Variants in PLEKHA7 observed in about 807,000 individuals in gnomAD.
The protein encoded by PLEKHA7 is pleckstrin homology domain containing A7, also known as pleckstrin homology domain-containing family A member 7.
PLEKHA7 carries 104 observed loss-of-function variants against 170.0 expected under a neutral mutation model. That is an observed-to-expected ratio of 0.61 (90% CI 0.52 to 0.72). The LOEUF (loss-of-function observed/expected upper bound fraction) is 0.72. PLEKHA7 is among the 30% of genes least tolerant of loss of function. PLEKHA7 has a pLI of 0.00. For missense variants in PLEKHA7, 1,615 were observed against 1,671.7 expected (o/e 0.97, Z 0.59); for synonymous variants, 648 against 660.8 (o/e 0.98, Z 0.30).
chr11:16,942,611 G>A (rs1860767521), intron 3 of PLEKHA7, among the ~76,000 whole-genome samples: 1 of 152,244 alleles, frequency 6.6e-6, no homozygotes, highest in Non-Finnish European at 1.5e-5. Flanking sequence ...GGAAGAGAGT[G>A]AAGAAGCAGA....
chr11:17,013,643 G>C (rs1865460308), intron 3 of PLEKHA7, among the ~76,000 whole-genome samples: 1 of 152,238 alleles, frequency 6.6e-6, no homozygotes, highest in African/African-American at 2.4e-5. Flanking sequence ...TCCAGGTCCC[G>C]GCACTCGCCT....
intron 9 of PLEKHA7, among the ~76,000 whole-genome samples, chr11:16,827,484 CAT>C (rs1850748145): frequency 6.6e-6 from 1 of 152,184 alleles, no homozygotes; most frequent in Non-Finnish European, 1.5e-5. Context: ...TGCCTCTCCA[CAT>C]GTGTCTGTGC....
At chr11:16,786,747 A>G (rs1849423669) in intron 23 of PLEKHA7, 1 of 985,318 alleles carries the variant, frequency 1.0e-6, no homozygotes, top group Admixed American at 6.1e-5. Flanking sequence ...CACTCTCTAC[A>G]GCTGGTTCAG....
At chr11:16,889,422 T>G (rs7483160) in intron 3 of PLEKHA7, among the ~76,000 whole-genome samples, 1 of 71,586 alleles carries the variant, frequency 1.4e-5, no homozygotes, top group African/African-American at 5.5e-5. Flanking sequence ...AAAAAAAAAA[T>G]ATATATATAT....
intron 9 of PLEKHA7, among the ~76,000 whole-genome samples, chr11:16,829,531 A>G (rs1850936220): frequency 2.0e-5 from 3 of 152,188 alleles, no homozygotes; most frequent in Admixed American, 1.3e-4. Flanking sequence ...AGCCGGGTGC[A>G]GTGGCGTGCC....
chr11:16,861,044 G>C lies in PLEKHA7; in HGVS notation c.306-5130C>G, dbSNP rs145523647. ...TGAAGACCCCAGAATTTAAATCCCA[G>C]CTACACTTTATTTCCAAGGCATATG... On this transcript the variant is annotated intron_variant, in intron 4 of 26. Coordinates refer to ENST00000531066, the MANE Select transcript of PLEKHA7 (RefSeq NM_001329630.2). 2.5e-4 allele frequency among the ~76,000 whole-genome samples: 38 copies of C among 152,338 alleles called. No homozygotes were observed. In the East Asian group the frequency reaches 5.6e-3, roughly 22 times the overall value.
chr11:16,865,462 G>A (rs1187578970), intron 4 of PLEKHA7, among the ~76,000 whole-genome samples: 1 of 152,202 alleles, frequency 6.6e-6, no homozygotes, highest in African/African-American at 2.4e-5. Flanking sequence ...GGTGGCTCAT[G>A]CCTATAATCC....
chr11:16,957,075 G>C (rs561786997), intron 3 of PLEKHA7, among the ~76,000 whole-genome samples: 1 of 152,176 alleles, frequency 6.6e-6, no homozygotes, highest in Non-Finnish European at 1.5e-5. Context: ...AAGCAACAGG[G>C]AGCCCAAAGG....
At chr11:16,802,435 C>G (rs967882134) in intron 15 of PLEKHA7, among the ~76,000 whole-genome samples, 2 of 152,316 alleles carry the variant, frequency 1.3e-5, no homozygotes, top group South Asian at 2.1e-4. Context: ...TGGAGCTCCT[C>G]TCCCAGGCTC....
At chr11:16,811,997 C>T (rs913874744) in intron 13 of PLEKHA7, among the ~76,000 whole-genome samples, 2 of 152,216 alleles carry the variant, frequency 1.3e-5, no homozygotes, top group East Asian at 1.9e-4. Context: ...ACCATCTCAG[C>T]TCTGAGAACC....
chr11:16,803,733 C>A (rs984267871), intron 13 of PLEKHA7, among the ~76,000 whole-genome samples: 1 of 152,150 alleles, frequency 6.6e-6, no homozygotes, highest in Non-Finnish European at 1.5e-5. Context: ...CCCAGAGGAA[C>A]AAACAAATCC....
At chr11:16,852,228 C>G in intron 7 of PLEKHA7, 55 bp downstream of exon 7, 1 of 1,501,590 alleles carries the variant, frequency 6.7e-7, no homozygotes, top group Non-Finnish European at 9.2e-7. Context: ...CACCAACCAT[C>G]CACATATGTA....
chr11:16,921,322 A>T (rs1052318103), intron 3 of PLEKHA7, among the ~76,000 whole-genome samples: 1 of 152,218 alleles, frequency 6.6e-6, no homozygotes, highest in Non-Finnish European at 1.5e-5. Flanking sequence ...AGGAACTACT[A>T]GCTAGGGTGA....
chr11:16,823,421 A>G (rs1197196452), intron 10 of PLEKHA7, among the ~76,000 whole-genome samples: 1 of 152,194 alleles, frequency 6.6e-6, no homozygotes, highest in Non-Finnish European at 1.5e-5. Context: ...ATTAAGGAAC[A>G]TGGCTGTAAG....
In PLEKHA7 at chr11:16,801,750, T is replaced by C; in HGVS notation, c.2225A>G (p.His742Arg). ...CTGCTGGTAGGCAATCTTCTCCAAG[T>C]GCTGGGGCTGGTCTCGGTACTGCTC... Reference protein sequence around the residue: ...QMEQYRDQPQHLEKIAYQQKL... With the variant: ...QMEQYRDQPQRLEKIAYQQKL... The change falls in exon 16 of 27, where the codon CAC becomes CGC. Residue 742 changes from histidine to arginine, a missense_variant. Transcript: ENST00000531066. 1 of 1,614,150 alleles carries C rather than the reference T, an allele frequency of 6.2e-7. No homozygotes were observed. Among genetic ancestry groups the C allele is most frequent in the South Asian group, 1.1e-5 (1 of 91,072 alleles).
chr11:16,923,415 C>T (rs557687803), intron 3 of PLEKHA7, among the ~76,000 whole-genome samples: 22 of 152,262 alleles, frequency 1.4e-4, no homozygotes, highest in Admixed American at 1.1e-3. Flanking sequence ...CACCGCAAAC[C>T]CAGGTGGCAG....
At chr11:16,947,131 C>T (rs559770663) in intron 3 of PLEKHA7, among the ~76,000 whole-genome samples, 5 of 152,250 alleles carry the variant, frequency 3.3e-5, no homozygotes, top group Admixed American at 1.3e-4. Flanking sequence ...CTGGGTTGTA[C>T]AATCACACCT....
chr11:16,961,669 G>A (rs921405872), intron 3 of PLEKHA7, among the ~76,000 whole-genome samples: 2 of 152,258 alleles, frequency 1.3e-5, no homozygotes, highest in African/African-American at 2.4e-5. Flanking sequence ...CAAAGTGAGA[G>A]ACAGGATTCT....
chr11:16,881,556 G>C (rs181221782), intron 3 of PLEKHA7: 10 of 152,222 alleles, frequency 6.6e-5, no homozygotes, highest in African/African-American at 1.9e-4. Flanking sequence ...GTGGCCAAGG[G>C]GAGCAGTGGC....
Sources: gnomAD v4.1 joint callset for allele counts (sites outside exome capture counted in the v4.1 genomes callset) on GRCh38, gnomAD v4.1.1 for gene constraint, MANE v1.5 for transcripts, NCBI Gene and HGNC (gene_info 2026-07-23, HGNC 2026-07-21) for gene names.